Variants in CAPN3 observed in about 807,000 individuals in gnomAD.
The protein encoded by CAPN3 is calpain-3.
Under a neutral mutation model 114.0 loss-of-function variants are expected in CAPN3, and 88 were observed. That is an observed-to-expected ratio of 0.77 (90% CI 0.65 to 0.92). The LOEUF is 0.92. CAPN3 is among the 40% of genes least tolerant of loss of function. CAPN3 has a pLI of 0.00. For synonymous variants in CAPN3, 386 were observed against 382.9 expected, an observed-to-expected ratio of 1.01 and a Z score of -0.09; for missense variants, 1,028 against 1,069.0, an observed-to-expected ratio of 0.96 and a Z score of 0.53.
chr15:42,402,462 G>T, intron 12 of CAPN3: 1 of 1,427,914 alleles, frequency 7.0e-7, no homozygotes, highest in Non-Finnish European at 9.1e-7. Flanking sequence ...GCTTGGGATG[G>T]AGGAATCACT....
At chr15:42,381,071 A>G (rs2053239185) in intron 1 of CAPN3, among the ~76,000 whole-genome samples, 1 of 152,100 alleles carries the variant, frequency 6.6e-6, no homozygotes, top group Non-Finnish European at 1.5e-5. Flanking sequence ...TTCTTTGCTT[A>G]TGACATTACT....
chr15:42,394,426 A>G lies in CAPN3; in HGVS notation c.1115+85A>G, dbSNP rs144988301. On this transcript the variant is annotated intron_variant, in intron 8 of 23. Coordinates refer to ENST00000397163, the MANE Select transcript of CAPN3 (RefSeq NM_000070.3). ...GTGTTGGGAACTGAGCCATGAGAGT[A>G]TTGAAGATGCTTGGTATAAAATCAC... is the stretch of plus-strand genomic sequence containing the variant. The G allele has an allele frequency of 3.7e-4, 385 of 1,036,192 alleles. No individual in the cohort carries two copies. The African/African-American group carries it at 5.8e-3, about 16-fold the overall frequency. 64.2% of individuals were successfully genotyped at this position (1,036,192 alleles called of 1,614,324 possible).
chr15:42,371,698 T>C (rs1010216189), intron 1 of CAPN3, among the ~76,000 whole-genome samples: 4 of 152,188 alleles, frequency 2.6e-5, no homozygotes, highest in Middle Eastern at 6.3e-3. Flanking sequence ...GCGTGGTGGC[T>C]CATACCTGTA....
rs1349313665 is a variant in CAPN3, at chr15:42,387,759, C to T, written c.505C>T (p.Arg169Cys). The T allele has an allele frequency of 1.1e-5, 17 of 1,614,006 alleles. No homozygotes were observed. The highest frequency in any genetic ancestry group is 1.3e-5 in the Non-Finnish European group (15 of 1,180,010). Residue 169 changes from arginine (R) to cysteine (C), a missense_variant, in exon 4 of 24, where the codon CGC (arginine) becomes TGC (cysteine). Coordinates refer to ENST00000397163, the MANE Select transcript of CAPN3 (RefSeq NM_000070.3). ...YAGIFHFQFWRYGEWVDVVID... is the reference protein window; with the variant it reads ...YAGIFHFQFWCYGEWVDVVID... ...GCGTGACGCTTCTGTGCAGTTCTGG[C>T]GCTATGGAGAGTGGGTGGACGTGGT...
intron 1 of CAPN3, among the ~76,000 whole-genome samples, chr15:42,372,936 C>G (rs2052991901): frequency 6.6e-6 from 1 of 152,140 alleles, no homozygotes; most frequent in Non-Finnish European, 1.5e-5. Flanking sequence ...CACCTGCAAT[C>G]CCAGCACTTT....
intron 1 of CAPN3, among the ~76,000 whole-genome samples, chr15:42,369,608 G>A (rs1310590789): frequency 6.6e-6 from 1 of 152,138 alleles, no homozygotes; most frequent in African/African-American, 2.4e-5. Context: ...TCTTTGGACA[G>A]TAGGAGCCCC....
At chr15:42,401,477 C>T (rs1307356855) in intron 10 of CAPN3, among the ~76,000 whole-genome samples, 164 bp from the exon 11 acceptor site, 2 of 123,100 alleles carry the variant, frequency 1.6e-5, no homozygotes, top group Non-Finnish European at 3.6e-5. Flanking sequence ...GGTAGCGCCC[C>T]CCCCCCCCCC....
At chr15:42,394,109 C>T in intron 7 of CAPN3, 147 bp from the exon 8 acceptor site, 3 of 776,284 alleles carry the variant, frequency 3.9e-6, no homozygotes, top group South Asian at 1.5e-5. Flanking sequence ...CCCCAGCACA[C>T]TTGTGATTAA....
chr15:42,380,751 A>ATATATTTTTTTTTTTTTTTTTT (rs1436943739), intron 1 of CAPN3, among the ~76,000 whole-genome samples: 1 of 64,484 alleles, frequency 1.6e-5, no homozygotes, highest in African/African-American at 9.0e-5. Context: ...ATATATATAT[A>ATATATTTTTTTTTTTTTTTTTT]TTTTTTTTTT....
intron 4 of CAPN3, 26 bp downstream of exon 4, chr15:42,387,912 T>G (rs1482286751): frequency 6.2e-7 from 1 of 1,614,052 alleles, no homozygotes; most frequent in Non-Finnish European, 8.5e-7. Flanking sequence ...GAATGTGAGG[T>G]GGGGCTAGAG....
chr15:42,411,392 G>A (rs1396114279), intron 23 of CAPN3, 47 bp downstream of exon 23: 1 of 1,564,258 alleles, frequency 6.4e-7, no homozygotes, highest in Non-Finnish European at 8.8e-7. Flanking sequence ...AAAACTCAAG[G>A]TGGAGGGGTC....
At chr15:42,380,961 A>G (rs1275260393) in intron 1 of CAPN3, among the ~76,000 whole-genome samples, 3 of 151,572 alleles carry the variant, frequency 2.0e-5, no homozygotes, top group East Asian at 1.9e-4. Context: ...AGTTTCCAGT[A>G]TACGTTTTCA....
At chr15:42,369,208 A>G (rs1283312511) in intron 1 of CAPN3, among the ~76,000 whole-genome samples, 1 of 152,024 alleles carries the variant, frequency 6.6e-6, no homozygotes, top group Admixed American at 6.6e-5. Flanking sequence ...CTGGTCAGGG[A>G]GAGAGTTTAT....
intron 13 of CAPN3, among the ~76,000 whole-genome samples, 194 bp from the exon 14 acceptor site, chr15:42,403,547 C>T (rs145803215): frequency 6.6e-6 from 1 of 152,210 alleles, no homozygotes; most frequent in Non-Finnish European, 1.5e-5. Flanking sequence ...CTAACAAGAA[C>T]CTGCGTGCCT....
At chr15:42,386,887 T>G (rs1238197235) in intron 3 of CAPN3, among the ~76,000 whole-genome samples, 1 of 152,164 alleles carries the variant, frequency 6.6e-6, no homozygotes, top group African/African-American at 2.4e-5. Flanking sequence ...ATTCTACCTG[T>G]GAGGGTCTCG....
At chr15:42,379,168 C>T (rs1276091292) in intron 1 of CAPN3, among the ~76,000 whole-genome samples, 1 of 151,990 alleles carries the variant, frequency 6.6e-6, no homozygotes, top group African/African-American at 2.4e-5. Context: ...AAAAATTAGC[C>T]AGGCATGGTG....
chr15:42,410,045 GC>G (rs778282590), intron 19 of CAPN3, 50 bp downstream of exon 19: 41 of 1,559,286 alleles, frequency 2.6e-5, no homozygotes, highest in Non-Finnish European at 3.5e-5. Context: ...GCCCACGGGG[GC>G]CAAGGCAACA....
At chr15:42,401,888 C>T in intron 11 of CAPN3, 78 bp downstream of exon 11, 2 of 1,482,872 alleles carry the variant, frequency 1.3e-6, no homozygotes, top group Non-Finnish European at 1.8e-6. Flanking sequence ...CTAGAGGGGC[C>T]CTCTGGCTTC....
intron 1 of CAPN3, among the ~76,000 whole-genome samples, chr15:42,367,565 T>A (rs776364988): frequency 3.9e-5 from 6 of 152,196 alleles, no homozygotes; most frequent in Non-Finnish European, 8.8e-5. Flanking sequence ...CCCAGAGATA[T>A]AGGACCAAAA....
Sources: gnomAD v4.1 joint callset for allele counts (sites outside exome capture counted in the v4.1 genomes callset) on GRCh38, gnomAD v4.1.1 for gene constraint, MANE v1.5 for transcripts, NCBI Gene and HGNC (gene_info 2026-07-23, HGNC 2026-07-21) for gene names.